Variants in SCUBE1 observed in about 807,000 individuals in gnomAD.
SCUBE1 encodes signal peptide, CUB and EGF-like domain-containing protein 1.
Under a neutral mutation model 124.4 loss-of-function variants are expected in SCUBE1, and 59 were observed. The observed-to-expected ratio is 0.47, with a 90% CI of 0.38 to 0.59. The LOEUF (loss-of-function observed/expected upper bound fraction) is 0.59. Ranked by LOEUF, SCUBE1 falls within the 20% of genes least tolerant of loss-of-function variation. SCUBE1 has a pLI of 0.00. For missense variants in SCUBE1, 1,150 were observed against 1,371.2 expected (o/e 0.84, Z 2.55); for synonymous variants, 545 against 550.9 (o/e 0.99, Z 0.15).
rs1555886375 is a variant in SCUBE1, at chr22:43,284,755, A to ATCGTTG, written c.484+6290_484+6291insCAACGA. On this transcript the variant is annotated intron_variant, in intron 4 of 21. Coordinates refer to ENST00000360835, the MANE Select transcript of SCUBE1 (RefSeq NM_173050.5). Reference sequence around the variant, plus strand: ...ATTGGATGCAGCTCTTGCAATCATCATCGTCATCGTCGTCGTCGTCGTCGT... The same window carrying ATCGTTG: ...ATTGGATGCAGCTCTTGCAATCATCATCGTTGTCGTCATCGTCGTCGTCGTCGTCGT... Among the ~76,000 whole-genome samples the ATCGTTG allele has an allele frequency of 4.6e-4, 69 of 149,306 alleles. 1 individual carries two copies. The highest frequency in any genetic ancestry group is 7.0e-3 in the Middle Eastern group (2 of 286).
At chr22:43,337,916 T>G (rs1927137552) in intron 2 of SCUBE1, among the ~76,000 whole-genome samples, 1 of 152,220 alleles carries the variant, frequency 6.6e-6, no homozygotes, top group South Asian at 2.1e-4. Context: ...CTGCCAGAGT[T>G]GTTGAGTGGG....
At chr22:43,220,205 G>A (rs1346502949) in intron 14 of SCUBE1, among the ~76,000 whole-genome samples, 1 of 152,158 alleles carries the variant, frequency 6.6e-6, no homozygotes, top group Non-Finnish European at 1.5e-5. Flanking sequence ...GACTTTTGAG[G>A]TCACCTCGGC....
intron 6 of SCUBE1, among the ~76,000 whole-genome samples, chr22:43,240,291 G>C (rs1249585131): frequency 1.3e-5 from 2 of 152,188 alleles, no homozygotes; most frequent in Non-Finnish European, 2.9e-5. Context: ...CTGGACCTCA[G>C]CTGGGCATGG....
At chr22:43,300,228 T>C (rs1925719033) in intron 3 of SCUBE1, among the ~76,000 whole-genome samples, 1 of 152,122 alleles carries the variant, frequency 6.6e-6, no homozygotes, top group Admixed American at 6.5e-5. Context: ...CCGTTTTACA[T>C]TTCCAACCAG....
At position 43,201,184 on chromosome 22, in the gene SCUBE1, G is replaced by T. The variant is rs922800982; in HGVS notation, c.*2813C>A. 1 of 150,604 alleles carries T rather than the reference G, an allele frequency of 6.6e-6. No homozygotes were observed. The highest frequency in any genetic ancestry group is 1.5e-5 in the Non-Finnish European group (1 of 67,776). The allele number at this position is 150,604 out of a possible 1,614,324, so 9.3% of individuals were successfully genotyped here. On this transcript the variant is annotated 3_prime_UTR_variant, in exon 22 of 22. Coordinates refer to ENST00000360835, the MANE Select transcript of SCUBE1 (RefSeq NM_173050.5). ...CCGGGCAAGGTGGTGGGTGCCTGTA[G>T]TCCCAGCTACTCGGGAGGCTGAGGC... is the stretch of plus-strand genomic sequence containing the variant.
intron 8 of SCUBE1, among the ~76,000 whole-genome samples, chr22:43,229,516 G>C (rs1463751785): frequency 2.6e-5 from 4 of 152,184 alleles, no homozygotes; most frequent in African/African-American, 9.7e-5. Flanking sequence ...GAGTGGTAGA[G>C]AGGCATTGAA....
intron 8 of SCUBE1, among the ~76,000 whole-genome samples, chr22:43,230,822 A>T (rs971236600): frequency 3.1e-4 from 47 of 152,048 alleles, no homozygotes; most frequent in Admixed American, 2.7e-3. Context: ...TTCCTCAGGG[A>T]CCTTGTGGGA....
At chr22:43,218,729 C>T (rs188840319) in intron 14 of SCUBE1, among the ~76,000 whole-genome samples, 211 of 152,138 alleles carry the variant, frequency 1.4e-3, no homozygotes, top group African/African-American at 4.8e-3. Context: ...CCCCAGGGTA[C>T]GACTCACGGG....
At chr22:43,307,282 G>A (rs572096674) in intron 3 of SCUBE1, among the ~76,000 whole-genome samples, 1 of 152,350 alleles carries the variant, frequency 6.6e-6, no homozygotes, top group South Asian at 2.1e-4. Flanking sequence ...ACCTGAGTGA[G>A]CCCTGAGGAA....
intron 4 of SCUBE1, among the ~76,000 whole-genome samples, chr22:43,288,751 C>T (rs1052953799): frequency 2.6e-5 from 4 of 152,274 alleles, no homozygotes; most frequent in Non-Finnish European, 5.9e-5. Context: ...TCTTCCCTAA[C>T]TTCGCTGGGC....
intron 21 of SCUBE1, among the ~76,000 whole-genome samples, chr22:43,205,821 T>A (rs1268500392): frequency 4.0e-5 from 1 of 25,194 alleles, no homozygotes. Context: ...CACTCACCAC[T>A]CACCCCCACA....
chr22:43,309,356 G>C (rs1215618038), intron 3 of SCUBE1, among the ~76,000 whole-genome samples: 3 of 152,182 alleles, frequency 2.0e-5, no homozygotes, highest in African/African-American at 7.2e-5. Flanking sequence ...CAGAGAAGCA[G>C]AATTACTTGC....
chr22:43,326,393 TA>T (rs1926729586), intron 2 of SCUBE1, among the ~76,000 whole-genome samples: 1 of 152,190 alleles, frequency 6.6e-6, no homozygotes, highest in African/African-American at 2.4e-5. Flanking sequence ...GAATAAATCT[TA>T]ATCCGGTTTG....
chr22:43,211,179 GTC>G lies in SCUBE1; in HGVS notation c.2222-98_2222-97del. 1 of 1,317,180 alleles carries G rather than the reference GTC, an allele frequency of 7.6e-7. No individual in the cohort carries two copies. Among genetic ancestry groups the G allele is most frequent in the Non-Finnish European group, 1.1e-6 (1 of 951,412 alleles). 81.6% of individuals were successfully genotyped at this position (1,317,180 alleles called of 1,614,324 possible). The stretch of plus-strand genomic sequence containing the variant: ...CCCCAGGACCTCTCATGCCCTCGAG[GTC>G]TGTTTTGGCACAGAGTTCAAGGCTC... On this transcript the variant is annotated intron_variant, in intron 17 of 21. Coordinates refer to ENST00000360835, the MANE Select transcript of SCUBE1 (RefSeq NM_173050.5). The surrounding 1 kb of genome is among the most constrained non-coding windows in gnomAD (Gnocchi z 4.5).
intron 3 of SCUBE1, among the ~76,000 whole-genome samples, chr22:43,313,637 T>C (rs75039702): frequency 4.6e-5 from 7 of 152,194 alleles, no homozygotes; most frequent in African/African-American, 1.7e-4. Flanking sequence ...CAAGATCTCA[T>C]CATGGTTTCA....
At chr22:43,218,584 C>A (rs1360412647) in intron 14 of SCUBE1, 126 bp from the exon 15 acceptor site, 28 of 938,196 alleles carry the variant, frequency 3.0e-5, no homozygotes, top group Non-Finnish European at 4.2e-5. Context: ...ATTCTCACAA[C>A]AGTCCTGGGG....
At chr22:43,291,210 A>G (rs2146751885) in intron 3 of SCUBE1, 30 bp from the exon 4 acceptor site, 2 of 1,594,990 alleles carry the variant, frequency 1.3e-6, no homozygotes, top group Admixed American at 3.3e-5. Context: ...AGGGGACCAG[A>G]GATCACACCT....
intron 3 of SCUBE1, among the ~76,000 whole-genome samples, chr22:43,306,925 T>G (rs1006369751): frequency 6.6e-6 from 1 of 152,152 alleles, no homozygotes. Flanking sequence ...TTCCCAGCGC[T>G]TCTACCCAGC....
chr22:43,263,636 G>A (rs532378626), intron 4 of SCUBE1, among the ~76,000 whole-genome samples: 3 of 152,330 alleles, frequency 2.0e-5, no homozygotes, highest in Non-Finnish European at 2.9e-5. Context: ...CTTTAAATAC[G>A]GGTATGCAGC....
Sources: allele counts gnomAD v4.1 joint callset (sites outside exome capture counted in the v4.1 genomes callset), GRCh38; gene constraint gnomAD v4.1.1; non-coding constraint Gnocchi (gnomAD v3.1); transcripts MANE v1.5; gene names NCBI Gene and HGNC (gene_info 2026-07-23, HGNC 2026-07-21).